The following TRAT1 variants were observed in gnomAD, a reference collection of about 807,000 sequenced individuals.
TRAT1 encodes T-cell receptor-associated transmembrane adapter 1.
A neutral mutation model predicts 20.0 loss-of-function variants in TRAT1; 20 were observed. The observed-to-expected ratio is 1.00, with a 90% CI of 0.70 to 1.45. The LOEUF (loss-of-function observed/expected upper bound fraction) is 1.45. Ranked by LOEUF, TRAT1 falls within the 40% of genes most tolerant of loss-of-function variation. The probability of loss-of-function intolerance (pLI) is 0.00; values close to 1 mark genes in which losing one functional copy is unlikely to be tolerated. For synonymous variants in TRAT1, 77 were observed against 74.2 expected, an observed-to-expected ratio of 1.04 and a Z score of -0.20; for missense variants, 237 against 224.1, an observed-to-expected ratio of 1.06 and a Z score of -0.37.
Position 108,847,073 on chromosome 3 carries a change from A to G in TRAT1, c.158A>G (p.Asp53Gly), listed in dbSNP as rs1174111683. The G allele has an allele frequency of 6.6e-7, 1 of 1,523,064 alleles. No homozygotes were observed. The allele number at this position is 1,523,064 out of a possible 1,614,324, so 94.3% of individuals were successfully genotyped here. The change falls in exon 4 of 6, where the codon GAT (aspartate) becomes GGT (glycine). Residue 53 changes from aspartate to glycine, a missense_variant. By Grantham distance (94) the Asp-to-Gly change is moderately conservative. Transcript: ENST00000295756. ...YSYSSDHTRV[D>G]EYYIEDTPIY... ...ATTATTTTTCCTTGTTATAGGGTTG[A>G]TGAGTATTATATTGAAGACACACCA...
rs370604207 is a variant in TRAT1, at chr3:108,853,913, T to C, written c.*36T>C. ...ATCTAGTTCAATGATTTGGCTCCTATTGAAGATGGCTTCTAAGAAAACAAG... is the reference window on the plus strand; with the variant it reads ...ATCTAGTTCAATGATTTGGCTCCTACTGAAGATGGCTTCTAAGAAAACAAG... On this transcript the variant is annotated 3_prime_UTR_variant, in exon 6 of 6. Transcript: ENST00000295756. 14 of 1,601,220 alleles carry C rather than the reference T, an allele frequency of 8.7e-6. No individual in the cohort carries two copies. Among genetic ancestry groups the C allele is most frequent in the African/African-American group, 4.0e-5 (3 of 74,494 alleles).
intron 4 of TRAT1, 57 bp from the exon 5 acceptor site, chr3:108,849,109 A>G: frequency 7.1e-7 from 1 of 1,399,786 alleles, no homozygotes; most frequent in Admixed American, 1.8e-5. Flanking sequence ...TGTATTTTTA[A>G]TCATACTAGT....
chr3:108,823,455 A>G (rs1217764788), intron 1 of TRAT1, among the ~76,000 whole-genome samples: 1 of 152,204 alleles, frequency 6.6e-6, no homozygotes, highest in Non-Finnish European at 1.5e-5. Context: ...GGTTGGATCC[A>G]TATTGACTCA....
intron 5 of TRAT1, among the ~76,000 whole-genome samples, chr3:108,852,763 A>C (rs904190252): frequency 6.6e-6 from 1 of 152,182 alleles, no homozygotes; most frequent in Non-Finnish European, 1.5e-5. Context: ...CACTATGATG[A>C]TTTGCATTTT....
chr3:108,824,156 C>A (rs1945716494), intron 1 of TRAT1, among the ~76,000 whole-genome samples: 1 of 152,188 alleles, frequency 6.6e-6, no homozygotes, highest in Non-Finnish European at 1.5e-5. Context: ...AGGCGTGAGC[C>A]ACTGCGCCCA....
At chr3:108,830,856 C>A (rs1415714920) in intron 2 of TRAT1, 76 bp downstream of exon 2, 2 of 891,860 alleles carry the variant, frequency 2.2e-6, no homozygotes, top group South Asian at 3.1e-5. Context: ...CCTATGGAAG[C>A]AGACAATTTT....
At position 108,822,914 on chromosome 3, in the gene TRAT1, T is replaced by C. The variant is rs9879812; in HGVS notation, c.-14T>C. The C allele has an allele frequency of 0.3, 482,871 of 1,604,020 alleles. 76,698 individuals carry two copies. Among genetic ancestry groups the C allele is most frequent in the Middle Eastern group, 0.34 (2,073 of 6,014 alleles). ...TCTTATGGCTAGATAAAGATTTCTC[T>C]GAAAAAAAGAAGCATGTCAGGTAAG... On this transcript the variant is annotated 5_prime_UTR_variant, in exon 1 of 6. Transcript: ENST00000295756.
intron 2 of TRAT1, among the ~76,000 whole-genome samples, chr3:108,832,105 T>C (rs1291651624): frequency 6.6e-6 from 1 of 152,196 alleles, no homozygotes; most frequent in Non-Finnish European, 1.5e-5. Context: ...GAAGGGATTA[T>C]TGTCATGCAG....
At chr3:108,824,973 T>C (rs1355292287) in intron 1 of TRAT1, among the ~76,000 whole-genome samples, 1 of 152,162 alleles carries the variant, frequency 6.6e-6, no homozygotes, top group Non-Finnish European at 1.5e-5. Context: ...GACTTCCCCT[T>C]TGGGTTTAAT....
Position 108,853,863 on chromosome 3 carries a change from GA to G in TRAT1, c.549del (p.Glu183AspfsTer3), listed in dbSNP as rs1366651379. 6.2e-7 allele frequency: 1 copy of G among 1,613,582 alleles called. No homozygotes were observed. Among genetic ancestry groups the G allele is most frequent in the Non-Finnish European group, 8.5e-7 (1 of 1,179,750 alleles). ...RLFGLIRAKR[E>X]PIN ...GTTTGGATTGATCCGTGCTAAGAGA[GA>G]ACCTATAAACTAGCTGGACCATGAT... is the stretch of plus-strand genomic sequence containing the variant. On this transcript the variant is annotated frameshift_variant, in exon 6 of 6. Coordinates refer to ENST00000295756, the MANE Select transcript of TRAT1 (RefSeq NM_016388.4). LOFTEE classifies it high-confidence loss of function.
intron 5 of TRAT1, among the ~76,000 whole-genome samples, chr3:108,852,051 A>G (rs1447036032): frequency 2.0e-5 from 3 of 151,998 alleles, no homozygotes; most frequent in Non-Finnish European, 4.4e-5. Context: ...TTTTAAGACT[A>G]AGAAGCTAGA....
intron 1 of TRAT1, among the ~76,000 whole-genome samples, chr3:108,825,495 A>G (rs1010216970): frequency 2.6e-5 from 4 of 152,134 alleles, no homozygotes; most frequent in Non-Finnish European, 5.9e-5. Context: ...TTTTGAGGAC[A>G]ATGAAATCCT....
chr3:108,838,739 G>A (rs543822845), intron 2 of TRAT1, among the ~76,000 whole-genome samples, 195 bp from the exon 3 acceptor site: 10 of 152,196 alleles, frequency 6.6e-5, no homozygotes, highest in Non-Finnish European at 1.2e-4. Context: ...TTCTTTCTTG[G>A]TAATTTGGTA....
At chr3:108,829,034 C>G (rs1307330109) in intron 1 of TRAT1, among the ~76,000 whole-genome samples, 1 of 152,000 alleles carries the variant, frequency 6.6e-6, no homozygotes, top group East Asian at 1.9e-4. Flanking sequence ...GATCAAGGTC[C>G]CAAAGTATAT....
At chr3:108,834,441 G>T (rs1031418317) in intron 2 of TRAT1, among the ~76,000 whole-genome samples, 3 of 152,128 alleles carry the variant, frequency 2.0e-5, no homozygotes, top group African/African-American at 7.2e-5. Context: ...TGAACAAATA[G>T]AACTATCTTT....
At chr3:108,825,102 A>G (rs184783107) in intron 1 of TRAT1, among the ~76,000 whole-genome samples, 3 of 147,932 alleles carry the variant, frequency 2.0e-5, no homozygotes, top group Non-Finnish European at 1.5e-5. Context: ...ATTTCACATG[A>G]AGGAAGAGAA....
Position 108,854,655 on chromosome 3 carries a change from C to T in TRAT1, c.*778C>T, listed in dbSNP as rs1381172784. 1.3e-5 allele frequency: 2 copies of T among 152,016 alleles called. No individual in the cohort carries two copies. Among genetic ancestry groups the T allele is most frequent in the Non-Finnish European group, 2.9e-5 (2 of 67,958 alleles). 9.4% of individuals were successfully genotyped at this position (152,016 alleles called of 1,614,324 possible). On this transcript the variant is annotated 3_prime_UTR_variant, in exon 6 of 6. Coordinates refer to ENST00000295756, the MANE Select transcript of TRAT1 (RefSeq NM_016388.4). ...ACATTACTTAAACTTTCTTTCCAGT[C>T]AACAATATATTGTGGATTTATTTTC...
intron 5 of TRAT1, among the ~76,000 whole-genome samples, chr3:108,852,266 A>T (rs1946004575): frequency 6.6e-6 from 1 of 152,170 alleles, no homozygotes; most frequent in South Asian, 2.1e-4. Flanking sequence ...CTATAATCCC[A>T]GCTACTTGGG....
At chr3:108,830,951 A>G (rs1016779086) in intron 2 of TRAT1, among the ~76,000 whole-genome samples, 171 bp downstream of exon 2, 1 of 152,246 alleles carries the variant, frequency 6.6e-6, no homozygotes, top group Non-Finnish European at 1.5e-5. Flanking sequence ...CTTATTTAAG[A>G]ATGCAATCAT....
Sources: allele counts gnomAD v4.1 joint callset (sites outside exome capture counted in the v4.1 genomes callset), GRCh38; gene constraint gnomAD v4.1.1; transcripts MANE v1.5; gene names NCBI Gene and HGNC (gene_info 2026-07-23, HGNC 2026-07-21).